The following STRN4 variants were observed in gnomAD, a reference collection of about 807,000 sequenced individuals.
STRN4 encodes striatin 4.
STRN4 carries 27 observed loss-of-function variants against 77.9 expected under a neutral mutation model. The observed-to-expected ratio is 0.35, with a 90% CI of 0.26 to 0.48. STRN4 has a LOEUF of 0.48. Ranked by LOEUF, STRN4 falls within the 20% of genes least tolerant of loss-of-function variation. The pLI, the probability that STRN4 is intolerant of heterozygous loss-of-function variation, is 0.99. For missense variants in STRN4, 798 were observed against 1,049.7 expected, an observed-to-expected ratio of 0.76 and a Z score of 3.31; for synonymous variants, 466 against 443.1, an observed-to-expected ratio of 1.05 and a Z score of -0.65.
chr19:46,727,030 A>G (rs1003549217), intron 9 of STRN4, among the ~76,000 whole-genome samples: 3 of 152,018 alleles, frequency 2.0e-5, no homozygotes, highest in Non-Finnish European at 2.9e-5. Flanking sequence ...ATGTGCACAT[A>G]CACCCACACC....
rs760205282 is a variant in STRN4 at position 46,733,101 on chromosome 19, G to T, written c.675C>A (p.Gly225=). 2 of 1,613,456 alleles carry T rather than the reference G, an allele frequency of 1.2e-6. No individual in the cohort carries two copies. Among genetic ancestry groups the T allele is most frequent in the Non-Finnish European group, 1.7e-6 (2 of 1,179,938 alleles). The change falls in exon 5 of 18, where the codon GGC becomes GGA. Residue 225 remains glycine (G), a synonymous_variant. Transcript: ENST00000263280. This position sits in a 1 kb window ranked among gnomAD's most constrained non-coding sequence, Gnocchi z 4.3. ...PSEGAPRAPP[G]PAGLSGGESL... is the part of the protein sequence containing the mutation. The stretch of plus-strand genomic sequence containing the variant: ...ACTCCCCACCACTGAGCCCTGCAGG[G>T]CCTGGTGGAGCCCTGGGGGCCCCTT...
Position 46,733,584 on chromosome 19 carries a change from C to A in STRN4, c.540-348G>T. 4.1e-6 allele frequency: 1 copy of A among 245,892 alleles called. No homozygotes were observed. Among genetic ancestry groups the A allele is most frequent in the Non-Finnish European group, 8.0e-6 (1 of 125,058 alleles). The allele number at this position is 245,892 out of a possible 1,614,324, so 15.2% of individuals were successfully genotyped here. A position where few individuals can be genotyped will look rare whatever the true frequency, so the allele number is the denominator to read the frequency against. ...GGGCAGAGCCTTAAGGGAAGCTGGC[C>A]ACGGTAAACAGCAGAACGAAAACGC... On this transcript the variant is annotated intron_variant, in intron 4 of 17. Transcript: ENST00000263280. This position sits in a 1 kb window ranked among gnomAD's most constrained non-coding sequence, Gnocchi z 4.3.
At chr19:46,721,753 G>T (rs1280858678) in intron 16 of STRN4, 7 of 516,680 alleles carry the variant, frequency 1.4e-5, no homozygotes, top group Non-Finnish European at 2.5e-5. Context: ...GGGGATCAAA[G>T]TACCAACCGC....
At chr19:46,735,335 G>A (rs1207692759) in intron 4 of STRN4, among the ~76,000 whole-genome samples, 1 of 152,002 alleles carries the variant, frequency 6.6e-6, no homozygotes, top group Non-Finnish European at 1.5e-5. Flanking sequence ...AAATAAATAA[G>A]TAAATGAAAT....
At chr19:46,735,806 A>C (rs1308405608) in intron 4 of STRN4, among the ~76,000 whole-genome samples, 1 of 150,912 alleles carries the variant, frequency 6.6e-6, no homozygotes, top group Non-Finnish European at 1.5e-5. Context: ...CTTTACTAAA[A>C]ATACAAAATT....
At chr19:46,720,889 T>C in intron 16 of STRN4, 118 bp from the exon 17 acceptor site, 4 of 1,197,454 alleles carry the variant, frequency 3.3e-6, no homozygotes, top group Non-Finnish European at 4.4e-6. Context: ...TCAACTCTCC[T>C]CTCTCACCCT....
At chr19:46,737,514 G>C (rs546018407) in intron 3 of STRN4, among the ~76,000 whole-genome samples, 2 of 152,028 alleles carry the variant, frequency 1.3e-5, no homozygotes, top group East Asian at 3.9e-4. Flanking sequence ...AGCTTGCCTC[G>C]GCCAAGCTTC....
rs567871395 is a variant in STRN4, at chr19:46,741,650, C to T, written c.283-2762G>A. Among the ~76,000 whole-genome samples the T allele has an allele frequency of 6.6e-6, 1 of 152,350 alleles. No homozygotes were observed. Among genetic ancestry groups the T allele is most frequent in the African/African-American group, 2.4e-5 (1 of 41,590 alleles). ...CTGCCACTCCCTCTAGCCAGAGCCG[C>T]AGAGCATGCGCTCCCAAAACCTTCT... is the stretch of plus-strand genomic sequence containing the variant. On this transcript the variant is annotated intron_variant, in intron 1 of 17. Transcript: ENST00000263280. This position sits in a 1 kb window ranked among gnomAD's most constrained non-coding sequence, Gnocchi z 4.9.
Position 46,738,960 on chromosome 19 carries a change from C to G in STRN4, c.283-72G>C. ...CAATGCCGGTGTGTCTATCACTCAC[C>G]CAGGTATAGTGCCAGCCCACAGTCA... On this transcript the variant is annotated intron_variant, in intron 1 of 17. Coordinates refer to ENST00000263280, the MANE Select transcript of STRN4 (RefSeq NM_013403.3). The surrounding 1 kb of genome is among the most constrained non-coding windows in gnomAD (Gnocchi z 4.5). The G allele has an allele frequency of 7.5e-7, 1 of 1,338,468 alleles. No homozygotes were observed. Among genetic ancestry groups the G allele is most frequent in the Non-Finnish European group, 1.1e-6 (1 of 940,522 alleles). The allele number at this position is 1,338,468 out of a possible 1,614,324, so 82.9% of individuals were successfully genotyped here.
In STRN4 at chr19:46,733,200, G is replaced by A. The variant is rs751418341; in HGVS notation, c.576C>T (p.Leu192=). 1.1e-5 allele frequency: 18 copies of A among 1,610,996 alleles called. No homozygotes were observed. The highest frequency in any genetic ancestry group is 1.7e-4 in the Middle Eastern group (1 of 6,052). The part of the protein sequence containing the change: ...LEEVGYTDTI[L]DMRSKRVRSL... Reference sequence around the variant, plus strand: ...AACGGACGCGCTTGGACCGCATGTCGAGGATGGTGTCTGTGTAGCCCACCT... The same window carrying A: ...AACGGACGCGCTTGGACCGCATGTCAAGGATGGTGTCTGTGTAGCCCACCT... The change falls in exon 5 of 18, where the codon CTC becomes CTT. Residue 192 remains leucine, a synonymous_variant. Coordinates refer to ENST00000263280, the MANE Select transcript of STRN4 (RefSeq NM_013403.3). The surrounding 1 kb of genome is among the most constrained non-coding windows in gnomAD (Gnocchi z 4.3).
At position 46,746,221 on chromosome 19, in the gene STRN4, G is replaced by C. The variant is rs1374553276; in HGVS notation, c.210C>G (p.His70Gln). ...PEPLSLPGIL[H>Q]FIQHEWARFE... ...AGCGCGCCCACTCGTGCTGGATAAA[G>C]TGCAGGATCCCCGGCAGGCTCAGGG... The change falls in exon 1 of 18, where the codon CAC (histidine) becomes CAG (glutamine). Residue 70 changes from histidine (H) to glutamine (Q), a missense_variant. Coordinates refer to ENST00000263280, the MANE Select transcript of STRN4 (RefSeq NM_013403.3). 6.5e-7 allele frequency: 1 copy of C among 1,535,208 alleles called. No individual in the cohort carries two copies. The highest frequency in any genetic ancestry group is 1.9e-5 in the Admixed American group (1 of 52,850).
At position 46,722,272 on chromosome 19, in the gene STRN4, T is replaced by C. The variant is rs1454597969; in HGVS notation, c.1975A>G (p.Arg659Gly). 6.2e-7 allele frequency: 1 copy of C among 1,614,056 alleles called. No individual in the cohort carries two copies. Among genetic ancestry groups the C allele is most frequent in the Non-Finnish European group, 8.5e-7 (1 of 1,180,028 alleles). The change falls in exon 15 of 18, where the codon AGG (arginine) becomes GGG (glycine). Residue 659 changes from arginine to glycine, a missense_variant. By Grantham distance (125) the Arg-to-Gly change is moderately radical (BLOSUM62 -2). This residue lies in a region of STRN4 where 287 missense variants were observed against 473.8 expected (regional missense o/e 0.61). Transcript: ENST00000263280. ...QPLTITAHDDRGIRFLDNRTG... is the reference protein window; with the variant it reads ...QPLTITAHDDGGIRFLDNRTG... ...CGATTGTCCAGGAAGCGGATGCCCCTGTCGTCGTGGGCGGTGATGGTGAGA... is the reference window on the plus strand; with the variant it reads ...CGATTGTCCAGGAAGCGGATGCCCCCGTCGTCGTGGGCGGTGATGGTGAGA...
intron 11 of STRN4, 148 bp from the exon 12 acceptor site, chr19:46,725,076 G>A: frequency 7.7e-7 from 1 of 1,291,024 alleles, no homozygotes; most frequent in Non-Finnish European, 1.1e-6. Context: ...TGGACAAGCT[G>A]CCTGTCCCCT....
chr19:46,727,880 G>C lies in STRN4; in HGVS notation c.1153+14C>G, dbSNP rs745872995. 19 of 1,583,828 alleles carry C rather than the reference G, an allele frequency of 1.2e-5. No individual in the cohort carries two copies. Among genetic ancestry groups the C allele is most frequent in the Non-Finnish European group, 1.5e-5 (17 of 1,161,546 alleles). ...GGCCCGCAGGACTGGGACCAGGTGG[G>C]GGGTGCCTCTTACCTTCATGTGGCC... On this transcript the variant is annotated intron_variant, in intron 8 of 17. Transcript: ENST00000263280.
At chr19:46,726,616 C>A (rs999601262) in intron 9 of STRN4, among the ~76,000 whole-genome samples, 2 of 152,162 alleles carry the variant, frequency 1.3e-5, no homozygotes, top group African/African-American at 4.8e-5. Flanking sequence ...GCTGTGGGGG[C>A]CTCTGTCCAC....
intron 4 of STRN4, among the ~76,000 whole-genome samples, chr19:46,735,418 G>A (rs1378457185): frequency 6.6e-6 from 1 of 151,780 alleles, no homozygotes; most frequent in East Asian, 2.0e-4. Context: ...GATCACTTGA[G>A]CTCAGATCAA....
chr19:46,732,360 A>C (rs1357572995), intron 5 of STRN4: 1 of 152,638 alleles, frequency 6.6e-6, no homozygotes, highest in Non-Finnish European at 1.5e-5. Context: ...TCCCAGCCCA[A>C]GGCCCTGAGT....
Position 46,741,403 on chromosome 19 carries a change from G to A in STRN4, c.283-2515C>T, listed in dbSNP as rs2054471004. Among the ~76,000 whole-genome samples, 1 of 152,198 alleles carries A rather than the reference G, an allele frequency of 6.6e-6. No individual in the cohort carries two copies. Among genetic ancestry groups the A allele is most frequent in the South Asian group, 2.1e-4 (1 of 4,832 alleles). On this transcript the variant is annotated intron_variant, in intron 1 of 17. Coordinates refer to ENST00000263280, the MANE Select transcript of STRN4 (RefSeq NM_013403.3). The surrounding 1 kb of genome is among the most constrained non-coding windows in gnomAD (Gnocchi z 4.9). The stretch of plus-strand genomic sequence containing the variant: ...TGTGAGGGTCTCAGCTGCCCACTCT[G>A]CTTTGCTGTCCCTTTCCCAGTGCCT...
rs2053955515 is a variant in STRN4, at chr19:46,720,650, G to A, written c.2214C>T (p.Ala738=). 16 of 1,608,784 alleles carry A rather than the reference G, an allele frequency of 9.9e-6. No individual in the cohort carries two copies. In the East Asian group the frequency reaches 2.9e-4, roughly 29 times the overall value. ...CATCAGCGCCAGCACTGGCAATGAG[G>A]GCCTTGCTGGGGTGGCAGGCAACAG... ...IHAVACHPSK[A]LIASAGADAL... The change falls in exon 17 of 18, where the codon GCC becomes GCT. Residue 738 remains alanine (A), a synonymous_variant. Transcript: ENST00000263280.
Sources: gnomAD v4.1 joint callset for allele counts (sites outside exome capture counted in the v4.1 genomes callset) on GRCh38, gnomAD v4.1.1 for gene constraint, gnomAD v4.1.1 regional missense constraint, Gnocchi (gnomAD v3.1) non-coding constraint, MANE v1.5 for transcripts, NCBI Gene and HGNC (gene_info 2026-07-23, HGNC 2026-07-21) for gene names.